IKZF1: variants seen among roughly 807,000 people sequenced by gnomAD.
IKZF1 encodes the protein IKAROS family zinc finger 1, also known as DNA-binding protein Ikaros.
A neutral mutation model predicts 51.7 loss-of-function variants in IKZF1; 10 were observed. The ratio of observed to expected loss-of-function variants is 0.19; its 90% CI spans 0.12 to 0.33. The LOEUF is 0.33. IKZF1 is among the 10% of genes least tolerant of loss of function. The pLI is 1.00. For missense variants in IKZF1, 484 were observed against 707.5 expected, an observed-to-expected ratio of 0.68 and a Z score of 3.58; for synonymous variants, 280 against 282.3, an observed-to-expected ratio of 0.99 and a Z score of 0.08.
rs1229530814 is a variant in IKZF1, at chr7:50,399,272, AC to A, written c.851-645del. Among the ~76,000 whole-genome samples, 7 of 151,838 alleles carry A rather than the reference AC, an allele frequency of 4.6e-5. No homozygotes were observed. In the South Asian group the frequency reaches 1.2e-3, roughly 27 times the overall value. On this transcript the variant is annotated intron_variant, in intron 7 of 7. Transcript: ENST00000331340. ...AGAATTACTTTTGAGTATCCCTTCC[AC>A]TCTCATCTCAAGACAGAGTTCATCT...
chr7:50,361,066 T>G (rs1562825928), intron 3 of IKZF1, among the ~76,000 whole-genome samples: 1 of 152,220 alleles, frequency 6.6e-6, no homozygotes, highest in Non-Finnish European at 1.5e-5. Flanking sequence ...ATTGAGGACC[T>G]CACACTCTTC....
intron 4 of IKZF1, among the ~76,000 whole-genome samples, chr7:50,381,749 G>A (rs192698742): frequency 2.6e-5 from 4 of 152,274 alleles, no homozygotes; most frequent in Admixed American, 2.0e-4. Flanking sequence ...AAATGTTTTA[G>A]GATTTGTAAA....
chr7:50,332,546 C>A (rs1796643933), intron 3 of IKZF1, among the ~76,000 whole-genome samples: 1 of 152,110 alleles, frequency 6.6e-6, no homozygotes, highest in Non-Finnish European at 1.5e-5. Flanking sequence ...ACGGGATGGC[C>A]ACCCCTGAGA....
chr7:50,380,599 T>G (rs149715673), intron 4 of IKZF1, among the ~76,000 whole-genome samples: 3 of 152,246 alleles, frequency 2.0e-5, no homozygotes, highest in Non-Finnish European at 4.4e-5. Flanking sequence ...ACATGCTTAT[T>G]GTGAGCATTT....
intron 3 of IKZF1, among the ~76,000 whole-genome samples, chr7:50,374,283 G>T (rs545626561): frequency 1.3e-5 from 2 of 152,320 alleles, no homozygotes; most frequent in African/African-American, 4.8e-5. Flanking sequence ...GGATATAGAA[G>T]GCAGATTTTT....
At chr7:50,391,976 G>A in intron 7 of IKZF1, 113 bp downstream of exon 7, 2 of 1,384,906 alleles carry the variant, frequency 1.4e-6, no homozygotes, top group African/African-American at 1.5e-5. Flanking sequence ...TTTTTCAAAA[G>A]GAAAAATTGG....
At chr7:50,346,394 A>T (rs2153424073) in intron 3 of IKZF1, among the ~76,000 whole-genome samples, 1 of 152,320 alleles carries the variant, frequency 6.6e-6, no homozygotes, top group East Asian at 1.9e-4. Flanking sequence ...AGCCCTGCAG[A>T]TGTCTGCAGT....
chr7:50,340,905 G>A (rs1286820261), intron 3 of IKZF1, among the ~76,000 whole-genome samples: 1 of 152,162 alleles, frequency 6.6e-6, no homozygotes, highest in African/African-American at 2.4e-5. Flanking sequence ...TCACTGTAAA[G>A]GCTGCATTTA....
chr7:50,307,368 C>T (rs1584346268), intron 1 of IKZF1, among the ~76,000 whole-genome samples: 2 of 152,130 alleles, frequency 1.3e-5, no homozygotes, highest in East Asian at 3.9e-4. Flanking sequence ...TGGCTCCACT[C>T]CAGCTTACAG....
At chr7:50,384,801 C>T (rs1201615414) in intron 5 of IKZF1, among the ~76,000 whole-genome samples, 1 of 152,204 alleles carries the variant, frequency 6.6e-6, no homozygotes, top group African/African-American at 2.4e-5. Flanking sequence ...GCAATATTGC[C>T]TTGGGTTAGT....
chr7:50,318,210 C>T (rs911024888), intron 1 of IKZF1, among the ~76,000 whole-genome samples: 3 of 152,174 alleles, frequency 2.0e-5, no homozygotes, highest in African/African-American at 4.8e-5. Flanking sequence ...CTGGGGTTCT[C>T]TCCCTGGTGT....
intron 3 of IKZF1, chr7:50,369,490 T>G (rs1483044702): frequency 7.5e-6 from 3 of 398,474 alleles, no homozygotes; most frequent in Non-Finnish European, 1.3e-5. Flanking sequence ...CATAAGGTAT[T>G]GGTGTCTCTC....
At chr7:50,311,126 G>A (rs189851715) in intron 1 of IKZF1, among the ~76,000 whole-genome samples, 173 of 152,312 alleles carry the variant, frequency 1.1e-3, no homozygotes, top group African/African-American at 4.0e-3. Context: ...GTCCCTTGGG[G>A]AAAATTTCCA....
intron 3 of IKZF1, among the ~76,000 whole-genome samples, chr7:50,371,846 G>C (rs1808779939): frequency 6.6e-6 from 1 of 152,210 alleles, no homozygotes; most frequent in South Asian, 2.1e-4. Context: ...GAAGATTCCA[G>C]ATTTCAGTGA....
intron 4 of IKZF1, among the ~76,000 whole-genome samples, chr7:50,378,471 A>G (rs1810939745): frequency 6.6e-6 from 1 of 152,228 alleles, no homozygotes; most frequent in African/African-American, 2.4e-5. Context: ...TACATCCCTG[A>G]TAAGGAATAG....
chr7:50,330,268 C>G (rs1400086260), intron 3 of IKZF1, among the ~76,000 whole-genome samples: 1 of 152,074 alleles, frequency 6.6e-6, no homozygotes, highest in Non-Finnish European at 1.5e-5. Context: ...ATTTAAAAAC[C>G]CTAGAAAACC....
chr7:50,332,496 A>G (rs996927238), intron 3 of IKZF1, among the ~76,000 whole-genome samples: 2 of 152,334 alleles, frequency 1.3e-5, no homozygotes, highest in South Asian at 2.1e-4. Flanking sequence ...CAGAGGAGCA[A>G]AAGACCAGAG....
At chr7:50,343,030 C>T (rs1477514677) in intron 3 of IKZF1, among the ~76,000 whole-genome samples, 1 of 146,490 alleles carries the variant, frequency 6.8e-6, no homozygotes, top group East Asian at 1.9e-4. Flanking sequence ...CTTTCTTCTT[C>T]CTTCCTTCCT....
At chr7:50,350,439 A>G (rs1801565467) in intron 3 of IKZF1, among the ~76,000 whole-genome samples, 1 of 152,212 alleles carries the variant, frequency 6.6e-6, no homozygotes, top group African/African-American at 2.4e-5. Flanking sequence ...CTGAACAGGT[A>G]GCATTTCTGA....
Sources: gnomAD v4.1 joint callset for allele counts (sites outside exome capture counted in the v4.1 genomes callset) on GRCh38, gnomAD v4.1.1 for gene constraint, MANE v1.5 for transcripts, NCBI Gene and HGNC (gene_info 2026-07-23, HGNC 2026-07-21) for gene names.